The following OPALIN variants were observed in gnomAD, a reference collection of about 807,000 sequenced individuals.
OPALIN encodes oligodendrocytic myelin paranodal and inner loop protein.
OPALIN carries 15 observed loss-of-function variants against 17.8 expected under a neutral mutation model. The observed-to-expected ratio is 0.84, with a 90% CI of 0.56 to 1.29. OPALIN has a LOEUF of 1.29. OPALIN is among the 50% of genes most tolerant of loss of function. The pLI, the probability that OPALIN is intolerant of heterozygous loss-of-function variation, is 0.00. For missense variants in OPALIN, 170 were observed against 176.0 expected (o/e 0.97, Z 0.19); for synonymous variants, 62 against 63.8 (o/e 0.97, Z 0.14).
chr10:96,349,828 T>C lies in OPALIN; in HGVS notation c.73-2A>G. 1.2e-6 allele frequency: 2 copies of C among 1,610,642 alleles called. No homozygotes were observed. The highest frequency in any genetic ancestry group is 1.3e-5 in the African/African-American group (1 of 74,848). On this transcript the variant is annotated splice_acceptor_variant, in intron 3 of 5. Coordinates refer to ENST00000371172, the MANE Select transcript of OPALIN (RefSeq NM_033207.5). LOFTEE classifies it high-confidence loss of function. ...TAATCCAAGAGAGGGCCCACAGTCC[T>C]GGCACAGAATGAAAAACACAGGGTC...
intron 4 of OPALIN, among the ~76,000 whole-genome samples, chr10:96,348,643 A>G (rs150825527): frequency 1.3e-3 from 200 of 152,364 alleles, no homozygotes; most frequent in African/African-American, 4.6e-3. Flanking sequence ...CTACTTTAGT[A>G]TATGTTTGAA....
At position 96,358,970 on chromosome 10, in the gene OPALIN, T is replaced by C; in HGVS notation, c.-74A>G. On this transcript the variant is annotated 5_prime_UTR_variant, in exon 1 of 6. Coordinates refer to ENST00000371172, the MANE Select transcript of OPALIN (RefSeq NM_033207.5). ...TCCTTTCTCACTGGCTTTATTGGCT[T>C]GTGTCTTTCATTTGTAGGAACAGTT... 1 of 1,535,400 alleles carries C rather than the reference T, an allele frequency of 6.5e-7. No individual in the cohort carries two copies. The highest frequency in any genetic ancestry group is 9.0e-7 in the Non-Finnish European group (1 of 1,108,514).
At chr10:96,349,140 A>G (rs866376100) in intron 4 of OPALIN, among the ~76,000 whole-genome samples, 13 of 152,324 alleles carry the variant, frequency 8.5e-5, no homozygotes, top group South Asian at 6.2e-4. Flanking sequence ...TAGAACCCAG[A>G]GTCCACATGA....
chr10:96,354,594 A>G (rs1845725451), intron 2 of OPALIN, among the ~76,000 whole-genome samples: 1 of 152,234 alleles, frequency 6.6e-6, no homozygotes, highest in African/African-American at 2.4e-5. Context: ...GAGTAAGAAA[A>G]CAATAGTACA....
chr10:96,351,488 GT>G, intron 2 of OPALIN, 78 bp from the exon 3 acceptor site: 1 of 846,198 alleles, frequency 1.2e-6, no homozygotes, highest in South Asian at 2.3e-5. Context: ...ATCTGCCAAA[GT>G]TTAGGCTATA....
intron 3 of OPALIN, among the ~76,000 whole-genome samples, chr10:96,350,654 TA>T (rs1355970142): frequency 6.6e-6 from 1 of 152,234 alleles, no homozygotes; most frequent in South Asian, 2.1e-4. Flanking sequence ...CCCTAGAACT[TA>T]AAGTATAATA....
At chr10:96,348,634 T>C (rs1383392684) in intron 4 of OPALIN, among the ~76,000 whole-genome samples, 1 of 152,262 alleles carries the variant, frequency 6.6e-6, no homozygotes, top group Non-Finnish European at 1.5e-5. Context: ...CTATCCTCTC[T>C]ACTTTAGTAT....
At position 96,347,596 on chromosome 10, in the gene OPALIN, C is replaced by T. The variant is rs181421390; in HGVS notation, c.249+693G>A. On this transcript the variant is annotated intron_variant, in intron 5 of 5. Coordinates refer to ENST00000371172, the MANE Select transcript of OPALIN (RefSeq NM_033207.5). ...AAGCGATTCTCTTCCCTCAGCCTCCCGAGTAGCTGGGATTACAGACGACCG... is the reference window on the plus strand; with the variant it reads ...AAGCGATTCTCTTCCCTCAGCCTCCTGAGTAGCTGGGATTACAGACGACCG... Among the ~76,000 whole-genome samples the T allele has an allele frequency of 1.2e-3, 179 of 151,722 alleles. 1 individual carries two copies. Among genetic ancestry groups the T allele is most frequent in the African/African-American group, 4.1e-3 (171 of 41,344 alleles).
intron 5 of OPALIN, among the ~76,000 whole-genome samples, chr10:96,347,631 C>T (rs1845391797): frequency 6.6e-6 from 1 of 151,604 alleles, no homozygotes; most frequent in African/African-American, 2.4e-5. Flanking sequence ...GCCACCACAC[C>T]CAGCTAATTT....
intron 2 of OPALIN, chr10:96,353,525 T>G: frequency 9.1e-7 from 1 of 1,100,804 alleles, no homozygotes; most frequent in Non-Finnish European, 1.4e-6. Context: ...AATGGTTGGT[T>G]GCTCTACACG....
chr10:96,354,940 T>C (rs1245563235), intron 2 of OPALIN, among the ~76,000 whole-genome samples: 1 of 150,952 alleles, frequency 6.6e-6, no homozygotes, highest in Non-Finnish European at 1.5e-5. Context: ...TACTAAAAAG[T>C]GCAAAAATTA....
chr10:96,357,187 A>G (rs1056965687), intron 1 of OPALIN: 2 of 973,834 alleles, frequency 2.1e-6, no homozygotes, highest in Non-Finnish European at 2.4e-6. Context: ...GCTTTATCTC[A>G]TCAGTGGGCA....
intron 2 of OPALIN, among the ~76,000 whole-genome samples, chr10:96,354,101 TATC>T (rs1473901475): frequency 6.6e-6 from 1 of 152,106 alleles, no homozygotes; most frequent in African/African-American, 2.4e-5. Flanking sequence ...CCAGACAACT[TATC>T]AGAAAAATGT....
rs61616596 is a variant in OPALIN, at chr10:96,358,186, T to TAAAAAAAAAA, written c.3+698_3+707dup. On this transcript the variant is annotated intron_variant, in intron 1 of 5. Coordinates refer to ENST00000371172, the MANE Select transcript of OPALIN (RefSeq NM_033207.5). ...CTACTCCTTTTAACAATGCTTTTTG[T>TAAAAAAAAAA]AAAAAAAAAAAAAAAAAAAAAAAAA... Among the ~76,000 whole-genome samples, 298 of 61,568 alleles carry TAAAAAAAAAA rather than the reference T, an allele frequency of 4.8e-3. 10 individuals are homozygous for TAAAAAAAAAA. Among genetic ancestry groups the TAAAAAAAAAA allele is most frequent in the East Asian group, 0.018 (20 of 1,140 alleles). The allele number at this position is 61,568 out of a possible 152,430, so 40.4% of individuals were successfully genotyped here.
chr10:96,344,833 CA>C lies in OPALIN; in HGVS notation c.*1107del, dbSNP rs1446497750. 1 of 152,150 alleles carries C rather than the reference CA, an allele frequency of 6.6e-6. No homozygotes were observed. Among genetic ancestry groups the C allele is most frequent in the African/African-American group, 2.4e-5 (1 of 41,436 alleles). 9.4% of individuals were successfully genotyped at this position (152,150 alleles called of 1,614,324 possible). A position where few individuals can be genotyped will look rare whatever the true frequency, so the allele number is the denominator to read the frequency against. Reference sequence around the variant, plus strand: ...ATAATGTCTTACTTTAAAAATTAAGCAAAATGTTTCATTGTAAAGACAAAGT... The same window carrying C: ...ATAATGTCTTACTTTAAAAATTAAGCAAATGTTTCATTGTAAAGACAAAGT... On this transcript the variant is annotated 3_prime_UTR_variant, in exon 6 of 6. Coordinates refer to ENST00000371172, the MANE Select transcript of OPALIN (RefSeq NM_033207.5).
At chr10:96,351,488 G>T in intron 2 of OPALIN, 78 bp from the exon 3 acceptor site, 4 of 846,194 alleles carry the variant, frequency 4.7e-6, no homozygotes, top group Non-Finnish European at 7.1e-6. Context: ...ATCTGCCAAA[G>T]TTTAGGCTAT....
intron 3 of OPALIN, 94 bp downstream of exon 3, chr10:96,351,284 T>C (rs1396667267): frequency 1.3e-6 from 1 of 772,346 alleles, no homozygotes; most frequent in Admixed American, 2.6e-5. Context: ...TTAGTGACAG[T>C]TCACCTATCA....
In OPALIN at chr10:96,349,718, C is replaced by A. The variant is rs1354862653; in HGVS notation, c.181G>T (p.Glu61Ter). 9 of 1,613,866 alleles carry A rather than the reference C, an allele frequency of 5.6e-6. No homozygotes were observed. Among genetic ancestry groups the A allele is most frequent in the Non-Finnish European group, 7.6e-6 (9 of 1,179,872 alleles). ...AAGCTAGTAATCACCTCCATGGCCT[C>A]AATGCTGCTTCTTCTTCGGTGAATC... is the stretch of plus-strand genomic sequence containing the variant. The part of the protein sequence containing the change: ...TLIHRRRSSI[E>*]AMEESDRPCE... Residue 61 changes from glutamate (E) to a stop codon, truncating the protein, a stop_gained, in exon 4 of 6, where the codon GAG (glutamate) becomes TAG (stop). Transcript: ENST00000371172. LOFTEE classifies it high-confidence loss of function.
intron 5 of OPALIN, among the ~76,000 whole-genome samples, chr10:96,346,370 A>G (rs896518956): frequency 3.3e-5 from 5 of 152,190 alleles, no homozygotes; most frequent in African/African-American, 7.2e-5. Context: ...CCACTCAACT[A>G]TCTTTTGTTT....
Sources: allele counts gnomAD v4.1 joint callset (sites outside exome capture counted in the v4.1 genomes callset), GRCh38; gene constraint gnomAD v4.1.1; transcripts MANE v1.5; gene names NCBI Gene and HGNC (gene_info 2026-07-23, HGNC 2026-07-21).